NSG2: variants seen among roughly 807,000 people sequenced by gnomAD.
The protein encoded by NSG2 is neuronal vesicle trafficking associated 2.
Under a neutral mutation model 16.9 loss-of-function variants are expected in NSG2, and 4 were observed. The observed-to-expected ratio is 0.24, with a 90% CI of 0.12 to 0.54. The LOEUF (loss-of-function observed/expected upper bound fraction) is 0.54, where lower values mean the gene tolerates loss of function less well. NSG2 is among the 20% of genes least tolerant of loss of function. The pLI is 0.95. For missense variants in NSG2, 179 were observed against 221.1 expected (o/e 0.81, Z 1.21); for synonymous variants, 98 against 88.7 (o/e 1.11, Z -0.59).
At position 174,068,718 on chromosome 5, in the gene NSG2, G is replaced by A. The variant is rs368014587; in HGVS notation, c.213+4403G>A. Among the ~76,000 whole-genome samples the A allele has an allele frequency of 6.1e-4, 89 of 146,588 alleles. No individual in the cohort carries two copies. In the South Asian group the frequency reaches 8.9e-3, roughly 15 times the overall value. ...TGCTGGTGCTGTGGAAGGTGCTGGT[G>A]TCATGGGAATCCTGGTGCTATGGAA... On this transcript the variant is annotated intron_variant, in intron 3 of 4. Coordinates refer to ENST00000303177, the MANE Select transcript of NSG2 (RefSeq NM_015980.5).
At chr5:174,050,822 G>T (rs977042951) in intron 2 of NSG2, among the ~76,000 whole-genome samples, 1 of 152,030 alleles carries the variant, frequency 6.6e-6, no homozygotes, top group Non-Finnish European at 1.5e-5. Flanking sequence ...AGAGCAGCAG[G>T]CTCCTGAGTT....
Position 174,107,946 on chromosome 5 carries a change from G to A in NSG2, c.*441G>A, listed in dbSNP as rs1306394109. ...AGATAAGAAAACGTAGCTTCAGTGG[G>A]GGCTCCAGGGTTGCAGAGTATGAGT... On this transcript the variant is annotated 3_prime_UTR_variant, in exon 5 of 5. Coordinates refer to ENST00000303177, the MANE Select transcript of NSG2 (RefSeq NM_015980.5). This position sits in a 1 kb window ranked among gnomAD's most constrained non-coding sequence, Gnocchi z 4.5. The A allele has an allele frequency of 2.7e-6, 1 of 365,762 alleles. No homozygotes were observed. The highest frequency in any genetic ancestry group is 5.3e-6 in the Non-Finnish European group (1 of 188,210). 22.7% of individuals were successfully genotyped at this position (365,762 alleles called of 1,614,324 possible). A position where few individuals can be genotyped will look rare whatever the true frequency, so the allele number is the denominator to read the frequency against.
intron 1 of NSG2, 128 bp from the exon 2 acceptor site, chr5:174,046,606 C>G: frequency 1.4e-6 from 1 of 736,628 alleles, no homozygotes; most frequent in South Asian, 1.9e-5. Context: ...AGTGGAAGAT[C>G]AATGACTGAT....
At chr5:174,058,628 A>C (rs1233259008) in intron 2 of NSG2, among the ~76,000 whole-genome samples, 1 of 152,160 alleles carries the variant, frequency 6.6e-6, no homozygotes, top group Non-Finnish European at 1.5e-5. Context: ...AACAGAACCA[A>C]GAGAGAGGCT....
intron 3 of NSG2, among the ~76,000 whole-genome samples, chr5:174,100,358 C>T (rs1037501132): frequency 4.6e-5 from 7 of 152,204 alleles, no homozygotes; most frequent in African/African-American, 1.4e-4. Flanking sequence ...AGGGCTAGAG[C>T]TCCAGGATCA....
chr5:174,080,275 T>G (rs1480693632), intron 3 of NSG2, among the ~76,000 whole-genome samples: 3 of 149,878 alleles, frequency 2.0e-5, no homozygotes, highest in South Asian at 2.1e-4. Context: ...TGCATTTCAC[T>G]TTTGCAGGTA....
chr5:174,046,684 T>G, intron 1 of NSG2, 50 bp from the exon 2 acceptor site: 1 of 1,587,150 alleles, frequency 6.3e-7, no homozygotes, highest in Non-Finnish European at 8.6e-7. Context: ...GTCAGCCCTC[T>G]CTTTCTGCCT....
chr5:174,090,604 A>T (rs1760706415), intron 3 of NSG2, among the ~76,000 whole-genome samples: 1 of 152,208 alleles, frequency 6.6e-6, no homozygotes, highest in African/African-American at 2.4e-5. Flanking sequence ...AGACCTTTCC[A>T]GGGGTACCAA....
intron 3 of NSG2, among the ~76,000 whole-genome samples, chr5:174,089,492 C>T (rs1484921095): frequency 2.6e-5 from 4 of 152,058 alleles, no homozygotes; most frequent in Admixed American, 6.5e-5. Context: ...AGAGGAAGAG[C>T]GTCTTACTCT....
chr5:174,055,926 G>T (rs1027881890), intron 2 of NSG2: 1 of 152,164 alleles, frequency 6.6e-6, no homozygotes, highest in Non-Finnish European at 1.5e-5. Flanking sequence ...CTGTGTTCAC[G>T]GCCCAATACC....
Position 174,081,787 on chromosome 5 carries a change from G to A in NSG2, c.213+17472G>A, listed in dbSNP as rs1448959883. ...CACCTGTAGTCCCAGTTACTTGGGA[G>A]GCTGAGGCAGGAGAATGGCATGAAC... On this transcript the variant is annotated intron_variant, in intron 3 of 4. Coordinates refer to ENST00000303177, the MANE Select transcript of NSG2 (RefSeq NM_015980.5). Among the ~76,000 whole-genome samples, 4 of 151,488 alleles carry A rather than the reference G, an allele frequency of 2.6e-5. No homozygotes were observed. In the South Asian group the frequency reaches 6.3e-4, roughly 24 times the overall value.
At chr5:174,049,446 C>T (rs1759853856) in intron 2 of NSG2, among the ~76,000 whole-genome samples, 2 of 148,932 alleles carry the variant, frequency 1.3e-5, no homozygotes, top group South Asian at 4.2e-4. Context: ...CGCGCACGTG[C>T]ACACACACAC....
At position 174,108,832 on chromosome 5, in the gene NSG2, C is replaced by T. The variant is rs1761025282; in HGVS notation, c.*1327C>T. The T allele has an allele frequency of 6.5e-6, 1 of 152,826 alleles. No homozygotes were observed. Among genetic ancestry groups the T allele is most frequent in the African/African-American group, 2.4e-5 (1 of 41,452 alleles). 9.5% of individuals were successfully genotyped at this position (152,826 alleles called of 1,614,324 possible). A position where few individuals can be genotyped will look rare whatever the true frequency, so the allele number is the denominator to read the frequency against. On this transcript the variant is annotated 3_prime_UTR_variant, in exon 5 of 5. Coordinates refer to ENST00000303177, the MANE Select transcript of NSG2 (RefSeq NM_015980.5). ...TATTTGAGATGTGGTACTGCTTCCT[C>T]ACAAGTCTCCCACAGGCCATGTAAA...
intron 3 of NSG2, among the ~76,000 whole-genome samples, chr5:174,089,550 G>T (rs942667784): frequency 1.3e-5 from 2 of 151,668 alleles, no homozygotes; most frequent in Non-Finnish European, 2.9e-5. Flanking sequence ...AGGCTTCTCC[G>T]TGCAGGAAGA....
At chr5:174,046,677 A>C in intron 1 of NSG2, 57 bp from the exon 2 acceptor site, 1 of 1,551,470 alleles carries the variant, frequency 6.4e-7, no homozygotes, top group Non-Finnish European at 8.8e-7. Flanking sequence ...CTCTGTCGTC[A>C]GCCCTCTCTT....
At chr5:174,087,594 A>G (rs754505439) in intron 3 of NSG2, among the ~76,000 whole-genome samples, 2 of 151,958 alleles carry the variant, frequency 1.3e-5, no homozygotes, top group Non-Finnish European at 2.9e-5. Flanking sequence ...AGCCTGGGAA[A>G]CACAGTGAGA....
At chr5:174,095,182 G>C (rs1245367722) in intron 3 of NSG2, among the ~76,000 whole-genome samples, 1 of 152,212 alleles carries the variant, frequency 6.6e-6, no homozygotes, top group Non-Finnish European at 1.5e-5. Flanking sequence ...ATGCTGAGGA[G>C]CATGGCAGAC....
At chr5:174,076,996 C>A (rs551962053) in intron 3 of NSG2, among the ~76,000 whole-genome samples, 1 of 152,190 alleles carries the variant, frequency 6.6e-6, no homozygotes, top group African/African-American at 2.4e-5. Flanking sequence ...AGTGTCTTAT[C>A]CTAGCAATCT....
At chr5:174,057,115 G>T (rs1207998648) in intron 2 of NSG2, among the ~76,000 whole-genome samples, 1 of 152,118 alleles carries the variant, frequency 6.6e-6, no homozygotes, top group Non-Finnish European at 1.5e-5. Context: ...AAAACCTGGA[G>T]TTTCATTTTT....
Sources: allele counts gnomAD v4.1 joint callset (sites outside exome capture counted in the v4.1 genomes callset), GRCh38; gene constraint gnomAD v4.1.1; non-coding constraint Gnocchi (gnomAD v3.1); transcripts MANE v1.5; gene names NCBI Gene and HGNC (gene_info 2026-07-23, HGNC 2026-07-21).